The following AHNAK2 variants were observed in gnomAD, a reference collection of about 807,000 sequenced individuals.
The protein encoded by AHNAK2 is protein AHNAK2.
AHNAK2 carries 18 observed loss-of-function variants against 30.7 expected under a neutral mutation model. That is an observed-to-expected ratio of 0.59 (90% CI 0.41 to 0.87). The LOEUF is 0.87. Among genes scored for constraint, AHNAK2 ranks in the 40% least tolerant of loss-of-function variants. The pLI, the probability that AHNAK2 is intolerant of heterozygous loss-of-function variation, is 0.00. For synonymous variants in AHNAK2, 3,590 were observed against 3,073.8 expected, an observed-to-expected ratio of 1.17 and a Z score of -5.56; for missense variants, 8,604 against 7,373.0, an observed-to-expected ratio of 1.17 and a Z score of -6.11.
intron 1 of AHNAK2, among the ~76,000 whole-genome samples, chr14:104,962,840 C>T (rs1899186757): frequency 6.6e-6 from 1 of 152,192 alleles, no homozygotes; most frequent in Non-Finnish European, 1.5e-5. Flanking sequence ...ACCCTTCCAT[C>T]CCATCACTCA....
intron 1 of AHNAK2, among the ~76,000 whole-genome samples, chr14:104,977,063 T>C (rs1017456032): frequency 2.0e-5 from 3 of 151,918 alleles, no homozygotes; most frequent in Admixed American, 6.6e-5. Context: ...CCACCCTAAG[T>C]GCGCACCAGA....
chr14:104,938,732 TG>T lies in AHNAK2; in HGVS notation c.16718del (p.Pro5573HisfsTer4). ...TGACGCTGGAAGAGATCATCTCAAA[TG>T]GTTCTCCAGTGTCAGGCTGGAGATC... Reference protein sequence around the residue: ...SGDLQPDTGEPFEMISSSVNV... With the variant: ...SGDLQPDTGEXFEMISSSVNV... On this transcript the variant is annotated frameshift_variant, in exon 7 of 7. Coordinates refer to ENST00000333244, the MANE Select transcript of AHNAK2 (RefSeq NM_138420.4). LOFTEE classifies it low-confidence loss of function (END_TRUNC). 1 of 1,613,842 alleles carries T rather than the reference TG, an allele frequency of 6.2e-7. No homozygotes were observed. Among genetic ancestry groups the T allele is most frequent in the Non-Finnish European group, 8.5e-7 (1 of 1,179,852 alleles).
At position 104,952,427 on chromosome 14, in the gene AHNAK2, G is replaced by T. The variant is rs199609530; in HGVS notation, c.3024C>A (p.Phe1008Leu). The T allele has an allele frequency of 3.0e-5, 49 of 1,606,648 alleles. No homozygotes were observed. The highest frequency in any genetic ancestry group is 4.0e-5 in the Non-Finnish European group (47 of 1,178,714). ...FKMPKFKMPS[F>L]GVSAPGKSIK... ...TGGACTTCCCTGGGGCCGATACCCC[G>T]AACGACGGCATCTTGAACTTGGGCA... is the stretch of plus-strand genomic sequence containing the variant. The change falls in exon 7 of 7, where the codon TTC (phenylalanine) becomes TTA (leucine). Residue 1008 changes from phenylalanine (F) to leucine (L), a missense_variant. Coordinates refer to ENST00000333244, the MANE Select transcript of AHNAK2 (RefSeq NM_138420.4).
rs201507999 is a variant in AHNAK2, at chr14:104,951,076, C to G, written c.4375G>C (p.Val1459Leu). The G allele has an allele frequency of 6.6e-6, 7 of 1,063,046 alleles. 2 individuals are homozygous for G. The highest frequency in any genetic ancestry group is 9.5e-6 in the Non-Finnish European group (7 of 733,046). The allele number at this position is 1,063,046 out of a possible 1,614,324, so 65.9% of individuals were successfully genotyped here. Residue 1459 changes from valine to leucine, a missense_variant, in exon 7 of 7, where the codon GTG (valine) becomes CTG (leucine). By Grantham distance (32) the Val-to-Leu change is conservative. Coordinates refer to ENST00000333244, the MANE Select transcript of AHNAK2 (RefSeq NM_138420.4). ...APDVEVSLPSVEVDVEAPGAK... is the reference protein window; with the variant it reads ...APDVEVSLPSLEVDVEAPGAK... ...CCTGGGGCCTCGACATCCACCTCCA[C>G]GCTGGGCAGAGAAACCTCCACATCA...
Position 104,948,404 on chromosome 14 carries a change from C to G in AHNAK2, c.7047G>C (p.Glu2349Asp), listed in dbSNP as rs745655699. The G allele has an allele frequency of 1.9e-6, 3 of 1,612,372 alleles. No homozygotes were observed. The highest frequency in any genetic ancestry group is 4.5e-5 in the East Asian group (2 of 44,744). Residue 2349 changes from glutamate to aspartate, a missense_variant, in exon 7 of 7, where the codon GAG becomes GAC. Physicochemically the swap from Glu to Asp is conservative, Grantham distance 45. Coordinates refer to ENST00000333244, the MANE Select transcript of AHNAK2 (RefSeq NM_138420.4). ...ASADVSALKVEADVSLPSMQG... is the reference protein window; with the variant it reads ...ASADVSALKVDADVSLPSMQG... ...GCATGGAGGGGAGGCTCACGTCGGC[C>G]TCCACCTTCAACGCAGACACATCCG...
intron 1 of AHNAK2, among the ~76,000 whole-genome samples, chr14:104,964,503 T>C (rs1025383997): frequency 6.6e-6 from 1 of 151,942 alleles, no homozygotes; most frequent in African/African-American, 2.4e-5. Flanking sequence ...CCTCAAAAGA[T>C]GGATGCAGGA....
chr14:104,948,767 C>A lies in AHNAK2; in HGVS notation c.6684G>T (p.Glu2228Asp). 6.2e-7 allele frequency: 1 copy of A among 1,612,106 alleles called. No homozygotes were observed. Among genetic ancestry groups the A allele is most frequent in the South Asian group, 1.1e-5 (1 of 91,040 alleles). The change falls in exon 7 of 7, where the codon GAG (glutamate) becomes GAT (aspartate). Residue 2228 changes from glutamate to aspartate, a missense_variant. Glu to Asp is a conservative substitution (Grantham distance 45, BLOSUM62 2). Transcript: ENST00000333244. The part of the protein sequence containing the change: ...DVKLLEGPVP[E>D]EVGLKGHLPK... ...GCAGGTGCCCTTTGAGGCCGACTTCCTCGGGCACAGGGCCCTCCAGGAGTT... is the reference window on the plus strand; with the variant it reads ...GCAGGTGCCCTTTGAGGCCGACTTCATCGGGCACAGGGCCCTCCAGGAGTT...
chr14:104,939,422 T>G lies in AHNAK2; in HGVS notation c.16029A>C (p.Lys5343Asn). The change falls in exon 7 of 7, where the codon AAA becomes AAC. Residue 5343 changes from lysine to asparagine, a missense_variant. Lys to Asn is a moderately conservative substitution (Grantham distance 94). Coordinates refer to ENST00000333244, the MANE Select transcript of AHNAK2 (RefSeq NM_138420.4). ...CAGGCTGGGAAGACCATTTCTCTGTTTTATCCTCCATGCTGGCAAGGTCAT... is the reference window on the plus strand; with the variant it reads ...CAGGCTGGGAAGACCATTTCTCTGTGTTATCCTCCATGCTGGCAAGGTCAT... ...PGHDLASMED[K>N]TEKWSSQPEG... The G allele has an allele frequency of 6.2e-7, 1 of 1,613,564 alleles. No individual in the cohort carries two copies. The highest frequency in any genetic ancestry group is 8.5e-7 in the Non-Finnish European group (1 of 1,179,834).
At chr14:104,975,825 T>G (rs1595436039) in intron 1 of AHNAK2, among the ~76,000 whole-genome samples, 1 of 152,090 alleles carries the variant, frequency 6.6e-6, no homozygotes, top group African/African-American at 2.4e-5. Context: ...CTGCAATCAC[T>G]CCTGACCCCG....
chr14:104,938,441 CTG>C lies in AHNAK2; in HGVS notation c.17008_17009del (p.Gln5670GlufsTer10). The stretch of plus-strand genomic sequence containing the variant: ...GCTGTGTTTGAATGGGAGCAGATCT[CTG>C]GACGTCATTTTTGGAATCAACACCT... ...ETGVDSKNDV[Q>X]RSAPIQTQPE... is the part of the protein sequence containing the mutation. On this transcript the variant is annotated frameshift_variant, in exon 7 of 7. Coordinates refer to ENST00000333244, the MANE Select transcript of AHNAK2 (RefSeq NM_138420.4). LOFTEE classifies it low-confidence loss of function (END_TRUNC). The C allele has an allele frequency of 6.2e-7, 1 of 1,613,910 alleles. No individual in the cohort carries two copies. Among genetic ancestry groups the C allele is most frequent in the South Asian group, 1.1e-5 (1 of 91,070 alleles).
Position 104,950,227 on chromosome 14 carries a change from G to A in AHNAK2, c.5224C>T (p.Pro1742Ser), listed in dbSNP as rs1470449082. 1.9e-6 allele frequency: 3 copies of A among 1,585,946 alleles called. No individual in the cohort carries two copies. Among genetic ancestry groups the A allele is most frequent in the Non-Finnish European group, 8.6e-7 (1 of 1,162,882 alleles). ...TTCAAACTGGGCATCTGCACCTTGG[G>A]GAGGTGCCCTTTGAAGCCGGCTCCC... ...PEGAGFKGHL[P>S]KVQMPSLKMP... is the part of the protein sequence containing the mutation. Residue 1742 changes from proline (P) to serine (S), a missense_variant, in exon 7 of 7, where the codon CCC (proline) becomes TCC (serine). Pro to Ser is a moderately conservative substitution (Grantham distance 74). Transcript: ENST00000333244.
At position 104,949,838 on chromosome 14, in the gene AHNAK2, G is replaced by C. The variant is rs554569508; in HGVS notation, c.5613C>G (p.Leu1871=). 2.5e-5 allele frequency: 40 copies of C among 1,587,462 alleles called. 4 individuals are homozygous for C. The African/African-American group carries it at 2.9e-4, about 12-fold the overall frequency. The change falls in exon 7 of 7, where the codon CTC becomes CTG. Residue 1871 remains leucine, a synonymous_variant. Coordinates refer to ENST00000333244, the MANE Select transcript of AHNAK2 (RefSeq NM_138420.4). ...GGTCTGCAGAAGGGAGCGGAATGCA[G>C]AGGTCCGTGGTCTTGAGGTCCCCCT... ...SMQGDLKTTD[L]CIPLPSADLV...
rs1898168050 is a variant in AHNAK2 at position 104,944,783 on chromosome 14, C to G, written c.10668G>C (p.Leu3556=). 6.2e-7 allele frequency: 1 copy of G among 1,612,872 alleles called. No individual in the cohort carries two copies. The highest frequency in any genetic ancestry group is 8.5e-7 in the Non-Finnish European group (1 of 1,179,564). Residue 3556 remains leucine, a synonymous_variant, in exon 7 of 7, where the codon CTG becomes CTC. Transcript: ENST00000333244. ...TTAAACTGGGCATCTCCACTTTGGG[C>G]AGGTGCCCTTTGAGGCCGGCTCCCT... ...VPEGAGLKGH[L]PKVEMPSLKT...
In AHNAK2 at chr14:104,950,025, A is replaced by G. The variant is rs1898583030; in HGVS notation, c.5426T>C (p.Leu1809Pro). The G allele has an allele frequency of 1.3e-6, 2 of 1,587,278 alleles. No individual in the cohort carries two copies. Among genetic ancestry groups the G allele is most frequent in the East Asian group, 2.2e-5 (1 of 44,548 alleles). The change falls in exon 7 of 7, where the codon CTG becomes CCG. Residue 1809 changes from leucine (L) to proline (P), a missense_variant. Leu to Pro is a moderately conservative substitution (Grantham distance 98). Coordinates refer to ENST00000333244, the MANE Select transcript of AHNAK2 (RefSeq NM_138420.4). The part of the protein sequence containing the change: ...KLDSVRLEGD[L>P]SLADKDVTAK... ...AGTCACATCCTTGTCGGCCAGGGAC[A>G]GGTCACCCTCCAGCCGCACACTGTC...
Position 104,942,174 on chromosome 14 carries a change from A to G in AHNAK2, c.13277T>C (p.Leu4426Pro), listed in dbSNP as rs1280969281. 2 of 1,612,926 alleles carry G rather than the reference A, an allele frequency of 1.2e-6. No individual in the cohort carries two copies. The highest frequency in any genetic ancestry group is 1.7e-6 in the Non-Finnish European group (2 of 1,179,644). Residue 4426 changes from leucine (L) to proline (P), a missense_variant, in exon 7 of 7, where the codon CTG becomes CCG. Coordinates refer to ENST00000333244, the MANE Select transcript of AHNAK2 (RefSeq NM_138420.4). ...EVTSPNLDVSLPSMEVDIQAP... is the reference protein window; with the variant it reads ...EVTSPNLDVSPPSMEVDIQAP... ...TTGGATGTCCACCTCCATGCTGGGC[A>G]GAGACACGTCCAGGTTGGGGGACGT...
chr14:104,958,966 C>A (rs1459288112), intron 1 of AHNAK2, among the ~76,000 whole-genome samples: 6 of 152,124 alleles, frequency 3.9e-5, no homozygotes. Context: ...GAAAGTGGAA[C>A]AATATATTCA....
chr14:104,939,425 A>G lies in AHNAK2; in HGVS notation c.16026T>C (p.Asp5342=). The G allele has an allele frequency of 1.2e-6, 2 of 1,613,514 alleles. No homozygotes were observed. The highest frequency in any genetic ancestry group is 1.7e-6 in the Non-Finnish European group (2 of 1,179,826). ...KPGHDLASME[D]KTEKWSSQPE... is the part of the protein sequence containing the mutation. ...GCTGGGAAGACCATTTCTCTGTTTT[A>G]TCCTCCATGCTGGCAAGGTCATGTC... Residue 5342 remains aspartate, a synonymous_variant, in exon 7 of 7, where the codon GAT becomes GAC. Coordinates refer to ENST00000333244, the MANE Select transcript of AHNAK2 (RefSeq NM_138420.4).
At chr14:104,959,357 G>A (rs1489171570) in intron 1 of AHNAK2, among the ~76,000 whole-genome samples, 2 of 152,110 alleles carry the variant, frequency 1.3e-5, no homozygotes, top group Non-Finnish European at 2.9e-5. Context: ...ACGTTTAGGA[G>A]AGACGGGTTT....
rs1242480951 is a variant in AHNAK2, at chr14:104,953,847, G to C, written c.1604C>G (p.Ala535Gly). The C allele has an allele frequency of 1.9e-6, 3 of 1,613,878 alleles. No homozygotes were observed. The East Asian group carries it at 6.7e-5, about 36-fold the overall frequency. Residue 535 changes from alanine to glycine, a missense_variant, in exon 7 of 7, where the codon GCC becomes GGC. Ala to Gly is a moderately conservative substitution (Grantham distance 60). Transcript: ENST00000333244. ...TGLKGEEVEG[A>G]GWMPGREPTT... ...TGGTTCCCTGCCCGGCATCCACCCG[G>C]CTCCTTCCACCTCCTCACCCTTCAG... is the stretch of plus-strand genomic sequence containing the variant.
Sources: allele counts gnomAD v4.1 joint callset (sites outside exome capture counted in the v4.1 genomes callset), GRCh38; gene constraint gnomAD v4.1.1; transcripts MANE v1.5; gene names NCBI Gene and HGNC (gene_info 2026-07-23, HGNC 2026-07-21).